The following CAMTA1 variants were observed in gnomAD, a reference collection of about 807,000 sequenced individuals.
CAMTA1 encodes the protein calmodulin-binding transcription activator 1.
CAMTA1 carries 27 observed loss-of-function variants against 170.9 expected under a neutral mutation model. The observed-to-expected ratio is 0.16, with a 90% CI of 0.12 to 0.22. The LOEUF is 0.22. Among genes scored for constraint, CAMTA1 ranks in the 10% least tolerant of loss-of-function variants. CAMTA1 has a pLI of 1.00. For synonymous variants in CAMTA1, 833 were observed against 891.5 expected (o/e 0.93, Z 1.17); for missense variants, 1,619 against 2,217.2 (o/e 0.73, Z 5.42).
chr1:7,334,762 C>G (rs986210680), intron 5 of CAMTA1, among the ~76,000 whole-genome samples: 1 of 152,140 alleles, frequency 6.6e-6, no homozygotes, highest in Non-Finnish European at 1.5e-5. Flanking sequence ...GCCTTCCGGT[C>G]GCCTTTTCCT....
At chr1:7,209,777 A>G (rs1658427345) in intron 4 of CAMTA1, among the ~76,000 whole-genome samples, 1 of 152,260 alleles carries the variant, frequency 6.6e-6, no homozygotes. Context: ...GGACCAGGAA[A>G]GAATAGAGAA....
intron 3 of CAMTA1, among the ~76,000 whole-genome samples, chr1:6,910,393 T>A (rs1679444074): frequency 6.6e-6 from 1 of 152,236 alleles, no homozygotes. Flanking sequence ...AGGCACAGAG[T>A]CACCTGGGTG....
At chr1:7,564,236 T>TGCC (rs2095003583) in intron 6 of CAMTA1, among the ~76,000 whole-genome samples, 1 of 152,226 alleles carries the variant, frequency 6.6e-6, no homozygotes, top group Non-Finnish European at 1.5e-5. Context: ...TCACTCCACC[T>TGCC]GCCAGGCTGG....
At chr1:7,640,292 G>C (rs4072987) in intron 6 of CAMTA1, 108 bp from the exon 7 acceptor site, 119,648 of 1,210,970 alleles carry the variant, frequency 0.099, 11,719 homozygotes, top group African/African-American at 0.47. Context: ...CAAGAGAGCC[G>C]GGTGTCTGGG....
rs1386542300 is a variant in CAMTA1 at position 7,426,229 on chromosome 1, G to A, written c.439-41601G>A. ...GACCTTGCTCTTTAACTATATCCAG[G>A]TGCCCAGGGCCAGAGAGAGCTGCAC... is the stretch of plus-strand genomic sequence containing the variant. On this transcript the variant is annotated intron_variant, in intron 5 of 22. Coordinates refer to ENST00000303635, the MANE Select transcript of CAMTA1 (RefSeq NM_015215.4). This position sits in a 1 kb window ranked among gnomAD's most constrained non-coding sequence, Gnocchi z 4.8. Among the ~76,000 whole-genome samples the A allele has an allele frequency of 6.7e-6, 1 of 149,604 alleles. No homozygotes were observed. Among genetic ancestry groups the A allele is most frequent in the Non-Finnish European group, 1.5e-5 (1 of 68,004 alleles).
intron 6 of CAMTA1, among the ~76,000 whole-genome samples, chr1:7,611,249 G>A (rs2095522079): frequency 6.6e-6 from 1 of 152,164 alleles, no homozygotes; most frequent in Non-Finnish European, 1.5e-5. Context: ...TATTTATCAC[G>A]TTGATATTTT....
chr1:6,925,719 C>T (rs1210539102), intron 3 of CAMTA1, among the ~76,000 whole-genome samples: 3 of 152,198 alleles, frequency 2.0e-5, no homozygotes, highest in East Asian at 3.9e-4. Flanking sequence ...GGAATCCTGG[C>T]ACCCATAAGT....
At chr1:7,723,502 C>T (rs535666529) in intron 11 of CAMTA1, among the ~76,000 whole-genome samples, 19 of 152,292 alleles carry the variant, frequency 1.2e-4, no homozygotes, top group South Asian at 6.2e-4. Flanking sequence ...TGTAGATACT[C>T]CCCCGTCTGC....
At chr1:7,068,717 G>A (rs574077634) in intron 3 of CAMTA1, among the ~76,000 whole-genome samples, 1 of 152,078 alleles carries the variant, frequency 6.6e-6, no homozygotes, top group African/African-American at 2.4e-5. Context: ...CAATTAGCCT[G>A]CCAGGGCCTC....
rs1366088556 is a variant in CAMTA1, at chr1:7,609,945, G to T, written c.511-30455G>T. 6.6e-6 allele frequency among the ~76,000 whole-genome samples: 1 copy of T among 152,196 alleles called. No individual in the cohort carries two copies. Among genetic ancestry groups the T allele is most frequent in the Non-Finnish European group, 1.5e-5 (1 of 68,032 alleles). On this transcript the variant is annotated intron_variant, in intron 6 of 22. Transcript: ENST00000303635. The surrounding 1 kb of genome is among the most constrained non-coding windows in gnomAD (Gnocchi z 4.4). ...TATTTGTGAAATGAGAGGGTAAACT[G>T]TGGGGTCTCCAAGTCTCTTTACCTG...
At chr1:6,903,047 C>T (rs906233579) in intron 3 of CAMTA1, among the ~76,000 whole-genome samples, 2 of 152,022 alleles carry the variant, frequency 1.3e-5, no homozygotes, top group Admixed American at 6.5e-5. Flanking sequence ...ATAGAAACAG[C>T]CCAAATATCC....
chr1:7,654,964 C>A (rs556234662), intron 7 of CAMTA1, among the ~76,000 whole-genome samples: 256 of 139,196 alleles, frequency 1.8e-3, no homozygotes, highest in African/African-American at 6.6e-3. Context: ...ACAAACACAC[C>A]CACCTATACA....
chr1:7,497,602 G>A (rs942794951), intron 6 of CAMTA1, among the ~76,000 whole-genome samples: 2 of 152,202 alleles, frequency 1.3e-5, no homozygotes, highest in Admixed American at 6.5e-5. Flanking sequence ...GTCACATTGC[G>A]TGGTGCCTTC....
intron 21 of CAMTA1, among the ~76,000 whole-genome samples, chr1:7,753,264 G>A (rs572445518): frequency 3.3e-5 from 5 of 152,318 alleles, no homozygotes; most frequent in South Asian, 2.1e-4. Flanking sequence ...GAAGACTAGC[G>A]TCTCTACTTA....
At chr1:7,503,031 C>G (rs373747559) in intron 6 of CAMTA1, among the ~76,000 whole-genome samples, 1 of 152,184 alleles carries the variant, frequency 6.6e-6, no homozygotes, top group East Asian at 1.9e-4. Context: ...CCCTCTTAGC[C>G]GGGGCCTGGC....
In CAMTA1 at chr1:7,300,900, A is replaced by C. The variant is rs1484569013; in HGVS notation, c.438+51274A>C. Among the ~76,000 whole-genome samples, 1 of 152,246 alleles carries C rather than the reference A, an allele frequency of 6.6e-6. No individual in the cohort carries two copies. Among genetic ancestry groups the C allele is most frequent in the Non-Finnish European group, 1.5e-5 (1 of 68,040 alleles). ...TAAACTTTTATTTATCATGACAGCAAGTCATAAAGTTCTCTTACTAGAATA... is the reference window on the plus strand; with the variant it reads ...TAAACTTTTATTTATCATGACAGCACGTCATAAAGTTCTCTTACTAGAATA... On this transcript the variant is annotated intron_variant, in intron 5 of 22. Transcript: ENST00000303635. This position sits in a 1 kb window ranked among gnomAD's most constrained non-coding sequence, Gnocchi z 4.1.
At chr1:7,098,063 G>A (rs1259929790) in intron 4 of CAMTA1, among the ~76,000 whole-genome samples, 1 of 151,972 alleles carries the variant, frequency 6.6e-6, no homozygotes, top group South Asian at 2.1e-4. Context: ...TCTTCCTCAG[G>A]TATTCAGCTG....
intron 5 of CAMTA1, among the ~76,000 whole-genome samples, chr1:7,322,040 TG>T (rs1178853119): frequency 1.3e-5 from 2 of 152,216 alleles, no homozygotes; most frequent in Non-Finnish European, 2.9e-5. Flanking sequence ...TGGATGCTTC[TG>T]CAGGCCTGGA....
rs752783016 is a variant in CAMTA1, at chr1:7,093,432, C to T, written c.302+2061C>T. The stretch of plus-strand genomic sequence containing the variant: ...AAGCAGCCGCCAGCCTCTCCTTGCG[C>T]CCTTCACTCTCCGCTGAAACACTCC... On this transcript the variant is annotated intron_variant, in intron 4 of 22. Coordinates refer to ENST00000303635, the MANE Select transcript of CAMTA1 (RefSeq NM_015215.4). The surrounding 1 kb of genome is among the most constrained non-coding windows in gnomAD (Gnocchi z 4.6). Among the ~76,000 whole-genome samples the T allele has an allele frequency of 2.0e-5, 3 of 152,096 alleles. No individual in the cohort carries two copies. The highest frequency in any genetic ancestry group is 6.5e-5 in the Admixed American group (1 of 15,278).
Sources: gnomAD v4.1 joint callset for allele counts (sites outside exome capture counted in the v4.1 genomes callset) on GRCh38, gnomAD v4.1.1 for gene constraint, Gnocchi (gnomAD v3.1) non-coding constraint, MANE v1.5 for transcripts, NCBI Gene and HGNC (gene_info 2026-07-23, HGNC 2026-07-21) for gene names.